MTUS2: variants seen among roughly 807,000 people sequenced by gnomAD.
The protein encoded by MTUS2 is microtubule associated scaffold protein 2, also known as microtubule-associated tumor suppressor candidate 2.
In MTUS2, 40 loss-of-function variants were observed where a neutral mutation model predicts 114.1. The observed-to-expected ratio is 0.35, with a 90% CI of 0.27 to 0.46. MTUS2 has a LOEUF of 0.46. MTUS2 is among the 20% of genes least tolerant of loss of function. MTUS2 has a pLI of 1.00. For synonymous variants in MTUS2, 688 were observed against 672.0 expected (o/e 1.02, Z -0.37); for missense variants, 1,679 against 1,705.4 (o/e 0.98, Z 0.27).
intron 5 of MTUS2, among the ~76,000 whole-genome samples, chr13:29,168,537 G>T (rs1484996719): frequency 1.3e-5 from 2 of 152,216 alleles, no homozygotes; most frequent in Non-Finnish European, 2.9e-5. Flanking sequence ...TCAGAGCAAA[G>T]GTCGGCATTC....
intron 2 of MTUS2, among the ~76,000 whole-genome samples, chr13:28,922,010 A>G (rs1881068980): frequency 6.6e-6 from 1 of 152,088 alleles, no homozygotes; most frequent in Non-Finnish European, 1.5e-5. Flanking sequence ...TCAAATTGTA[A>G]TTTCCACGTG....
rs569386094 is a variant in MTUS2, at chr13:29,110,944, C to T, written c.2644+9974C>T. Among the ~76,000 whole-genome samples, 366 of 152,252 alleles carry T rather than the reference C, an allele frequency of 2.4e-3. 1 individual carries two copies. The highest frequency in any genetic ancestry group is 0.01 in the Middle Eastern group (3 of 294). On this transcript the variant is annotated intron_variant, in intron 5 of 15. Coordinates refer to ENST00000612955, the MANE Select transcript of MTUS2 (RefSeq NM_001033602.4). Reference sequence around the variant, plus strand: ...TTAGCATGTATAATATGCATAAACCCAGCATTTTCAATAATGGAATGATCT... The same window carrying T: ...TTAGCATGTATAATATGCATAAACCTAGCATTTTCAATAATGGAATGATCT...
At position 29,158,926 on chromosome 13, in the gene MTUS2, C is replaced by G. The variant is rs1052700955; in HGVS notation, c.2644+57956C>G. On this transcript the variant is annotated intron_variant, in intron 5 of 15. Transcript: ENST00000612955. ...CCAGCGGGAGACTGGCATAAACCAG[C>G]AGAGCCCAGGAACGGGAGGGCTCAA... is the stretch of plus-strand genomic sequence containing the variant. Among the ~76,000 whole-genome samples the G allele has an allele frequency of 7.9e-5, 12 of 152,172 alleles. 1 individual carries two copies. The highest frequency in any genetic ancestry group is 6.5e-4 in the Admixed American group (10 of 15,272).
chr13:28,968,767 G>A (rs1025833482), intron 2 of MTUS2, among the ~76,000 whole-genome samples: 1 of 151,934 alleles, frequency 6.6e-6, no homozygotes, highest in Non-Finnish European at 1.5e-5. Context: ...TTTAAACTTT[G>A]TCTTTTCTGA....
At chr13:29,330,530 T>C (rs560363993) in intron 7 of MTUS2, among the ~76,000 whole-genome samples, 1 of 152,332 alleles carries the variant, frequency 6.6e-6, no homozygotes, top group African/African-American at 2.4e-5. Flanking sequence ...CTGAATATTA[T>C]TGCCTGGGTT....
intron 5 of MTUS2, chr13:29,239,995 C>T (rs1896675667): frequency 6.6e-6 from 1 of 151,936 alleles, no homozygotes; most frequent in African/African-American, 2.4e-5. Flanking sequence ...CTGATAAGCT[C>T]AATTCTCAGA....
At chr13:29,156,297 C>G (rs1892856488) in intron 5 of MTUS2, among the ~76,000 whole-genome samples, 1 of 152,100 alleles carries the variant, frequency 6.6e-6, no homozygotes, top group Admixed American at 6.6e-5. Context: ...ACAGTTGAGT[C>G]AGAAGTTCAT....
At chr13:28,894,867 T>C (rs746381916) in intron 2 of MTUS2, among the ~76,000 whole-genome samples, 22 of 152,182 alleles carry the variant, frequency 1.4e-4, no homozygotes, top group Non-Finnish European at 2.8e-4. Flanking sequence ...TTTTACTAGC[T>C]TCATGTAGAA....
chr13:29,499,484 T>C (rs919609840), intron 14 of MTUS2, among the ~76,000 whole-genome samples: 2 of 152,258 alleles, frequency 1.3e-5, no homozygotes, highest in Admixed American at 1.3e-4. Flanking sequence ...TAAATATGTG[T>C]ACTGTGGAAA....
intron 8 of MTUS2, among the ~76,000 whole-genome samples, chr13:29,397,482 G>A (rs7334388): frequency 0.46 from 69,842 of 151,990 alleles, 17,500 homozygotes; most frequent in Non-Finnish European, 0.57. Context: ...AGCAGCATTG[G>A]CGATGTCTGG....
At chr13:28,987,744 C>T (rs143397862) in intron 2 of MTUS2, among the ~76,000 whole-genome samples, 4 of 151,830 alleles carry the variant, frequency 2.6e-5, no homozygotes, top group East Asian at 1.9e-4. Context: ...ATTCTAAACA[C>T]GTTTAAAATA....
intron 8 of MTUS2, among the ~76,000 whole-genome samples, chr13:29,385,014 C>T (rs772630035): frequency 7.2e-5 from 11 of 152,238 alleles, no homozygotes; most frequent in East Asian, 5.8e-4. Flanking sequence ...TTTGTCTGTT[C>T]GTTACATTTG....
At chr13:28,860,506 G>A (rs1385915957) in intron 2 of MTUS2, among the ~76,000 whole-genome samples, 5 of 152,182 alleles carry the variant, frequency 3.3e-5, no homozygotes, top group Non-Finnish European at 7.3e-5. Context: ...TGGAAAATGC[G>A]GCTAGGAAGG....
In MTUS2 at chr13:29,487,984, G is replaced by C; in HGVS notation, c.3484G>C (p.Asp1162His). The C allele has an allele frequency of 6.2e-7, 1 of 1,613,968 alleles. No homozygotes were observed. Among genetic ancestry groups the C allele is most frequent in the Non-Finnish European group, 8.5e-7 (1 of 1,179,954 alleles). ...HTVAITILQD[D>H]HDHKVQELMS... ...AGTTGCCATCACAATCCTGCAGGAT[G>C]ACCACGACCACAAAGTCCAAGGTAG... The change falls in exon 11 of 16, where the codon GAC becomes CAC. Residue 1162 changes from aspartate to histidine, a missense_variant. Asp to His is a moderately conservative substitution (Grantham distance 81). Around this residue, in one of 3 missense-constraint regions of MTUS2, gnomAD observed 822 missense variants for 899.7 expected, o/e 0.91. Transcript: ENST00000612955.
intron 5 of MTUS2, among the ~76,000 whole-genome samples, chr13:29,148,472 CT>C (rs976334425): frequency 2.4e-3 from 174 of 71,374 alleles, no homozygotes; most frequent in African/African-American, 7.5e-3. Context: ...GTTTGGTTTT[CT>C]TTTTTTTTTT....
chr13:29,097,414 C>T (rs1242693295), intron 4 of MTUS2, among the ~76,000 whole-genome samples: 2 of 152,162 alleles, frequency 1.3e-5, no homozygotes, highest in East Asian at 3.8e-4. Flanking sequence ...TTATGTGCCA[C>T]CTCAGCTTTC....
chr13:29,465,114 A>T (rs1301436223), intron 9 of MTUS2, among the ~76,000 whole-genome samples: 1 of 152,232 alleles, frequency 6.6e-6, no homozygotes, highest in Admixed American at 6.5e-5. Flanking sequence ...CACAGAGGAC[A>T]CAGTAGAGCA....
Position 29,356,996 on chromosome 13 carries a change from C to T in MTUS2, c.2906-2266C>T, listed in dbSNP as rs927061706. On this transcript the variant is annotated intron_variant, in intron 7 of 15. Transcript: ENST00000612955. Reference sequence around the variant, plus strand: ...GTCTTAGCTCAGAATGCGGGTTGTTCGCTGGCCCCAGAAGAAGAGGTGAGC... The same window carrying T: ...GTCTTAGCTCAGAATGCGGGTTGTTTGCTGGCCCCAGAAGAAGAGGTGAGC... Among the ~76,000 whole-genome samples the T allele has an allele frequency of 4.6e-5, 7 of 152,230 alleles. 1 individual carries two copies. The South Asian group carries it at 6.2e-4, about 14-fold the overall frequency.
intron 8 of MTUS2, among the ~76,000 whole-genome samples, chr13:29,438,989 A>G (rs1171440337): frequency 6.6e-6 from 1 of 152,172 alleles, no homozygotes; most frequent in East Asian, 1.9e-4. Flanking sequence ...AGAGGTGCTG[A>G]AACCAAAGGC....
Sources: gnomAD v4.1 joint callset for allele counts (sites outside exome capture counted in the v4.1 genomes callset) on GRCh38, gnomAD v4.1.1 for gene constraint, gnomAD v4.1.1 regional missense constraint, MANE v1.5 for transcripts, NCBI Gene and HGNC (gene_info 2026-07-23, HGNC 2026-07-21) for gene names.